LRMDA: variants seen among roughly 807,000 people sequenced by gnomAD.
LRMDA encodes leucine-rich melanocyte differentiation-associated protein.
Under a neutral mutation model 29.8 loss-of-function variants are expected in LRMDA, and 18 were observed. The ratio of observed to expected loss-of-function variants is 0.60; its 90% CI spans 0.42 to 0.90. The LOEUF (loss-of-function observed/expected upper bound fraction) is 0.90. Ranked by LOEUF, LRMDA falls within the 40% of genes least tolerant of loss-of-function variation. The pLI, the probability that LRMDA is intolerant of heterozygous loss-of-function variation, is 0.00. For synonymous variants in LRMDA, 125 were observed against 109.4 expected (o/e 1.14, Z -0.89); for missense variants, 273 against 273.9 (o/e 1.00, Z 0.02).
intron 2 of LRMDA, among the ~76,000 whole-genome samples, chr10:75,503,760 A>G (rs1015986800): frequency 6.6e-6 from 1 of 152,044 alleles, no homozygotes; most frequent in Non-Finnish European, 1.5e-5. Flanking sequence ...TAAAGTATAT[A>G]AGAAACTACA....
At chr10:75,600,836 A>C (rs138449401) in intron 2 of LRMDA, among the ~76,000 whole-genome samples, 33 of 152,356 alleles carry the variant, frequency 2.2e-4, no homozygotes, top group Middle Eastern at 3.4e-3. Flanking sequence ...GCTATGATCT[A>C]CTAATCCTTC....
At chr10:76,369,201 T>C (rs1299057366) in intron 6 of LRMDA, among the ~76,000 whole-genome samples, 2 of 152,156 alleles carry the variant, frequency 1.3e-5, no homozygotes, top group Non-Finnish European at 1.5e-5. Flanking sequence ...TATTTTTGTT[T>C]TATAGGTCCT....
At chr10:76,058,943 G>T (rs547675367) in intron 5 of LRMDA, among the ~76,000 whole-genome samples, 160 bp downstream of exon 5, 2 of 152,298 alleles carry the variant, frequency 1.3e-5, no homozygotes, top group African/African-American at 4.8e-5. Context: ...ATGAAATAGG[G>T]TTAGGTGTAA....
intron 2 of LRMDA, among the ~76,000 whole-genome samples, chr10:75,871,742 G>T (rs1245847874): frequency 6.6e-6 from 1 of 152,156 alleles, no homozygotes; most frequent in Non-Finnish European, 1.5e-5. Context: ...CGGACTGATT[G>T]TGTTTTAAAA....
chr10:76,011,871 T>A (rs1279555607), intron 2 of LRMDA, among the ~76,000 whole-genome samples: 8 of 152,110 alleles, frequency 5.3e-5, no homozygotes, highest in African/African-American at 1.9e-4. Flanking sequence ...ACTTCCCATG[T>A]CTCCAGATTG....
intron 5 of LRMDA, among the ~76,000 whole-genome samples, chr10:76,192,464 T>C (rs1239859178): frequency 2.6e-5 from 4 of 152,200 alleles, no homozygotes; most frequent in African/African-American, 9.7e-5. Context: ...CTTCTTGAGT[T>C]TGAGTAATTT....
At chr10:75,721,089 A>C (rs1842561289) in intron 2 of LRMDA, among the ~76,000 whole-genome samples, 1 of 152,270 alleles carries the variant, frequency 6.6e-6, no homozygotes, top group Non-Finnish European at 1.5e-5. Flanking sequence ...TTTGAAAGCC[A>C]GTGGTCTTTT....
intron 5 of LRMDA, among the ~76,000 whole-genome samples, chr10:76,144,825 G>A (rs1465940317): frequency 1.3e-5 from 2 of 152,078 alleles, no homozygotes; most frequent in African/African-American, 4.8e-5. Context: ...TATTGGCTGT[G>A]GGTTTGTCAT....
chr10:76,245,649 G>A (rs182748619), intron 5 of LRMDA, among the ~76,000 whole-genome samples: 2 of 152,300 alleles, frequency 1.3e-5, no homozygotes, highest in East Asian at 1.9e-4. Flanking sequence ...GGAGGTGTTA[G>A]GTAAGTTGGA....
intron 6 of LRMDA, among the ~76,000 whole-genome samples, chr10:76,339,638 C>A (rs1452217430): frequency 2.0e-5 from 3 of 151,540 alleles, no homozygotes; most frequent in South Asian, 2.1e-4. Context: ...AAAAGGTGAG[C>A]CTAGCAGATC....
At chr10:76,277,609 T>C (rs72817424) in intron 5 of LRMDA, among the ~76,000 whole-genome samples, 1 of 152,192 alleles carries the variant, frequency 6.6e-6, no homozygotes, top group Admixed American at 6.5e-5. Context: ...GTTTTGTTGT[T>C]AGTCTGAATT....
chr10:75,856,792 C>T (rs1325144541), intron 2 of LRMDA, among the ~76,000 whole-genome samples: 1 of 152,196 alleles, frequency 6.6e-6, no homozygotes, highest in Non-Finnish European at 1.5e-5. Context: ...TGCCCTCTCT[C>T]ACTACTCCTA....
intron 2 of LRMDA, among the ~76,000 whole-genome samples, chr10:75,494,481 T>C (rs545658023): frequency 6.6e-6 from 1 of 150,912 alleles, no homozygotes; most frequent in South Asian, 2.1e-4. Context: ...ATAACTCCAG[T>C]TACCAGCCGC....
At chr10:76,152,272 A>G (rs1850459912) in intron 5 of LRMDA, among the ~76,000 whole-genome samples, 1 of 152,224 alleles carries the variant, frequency 6.6e-6, no homozygotes, top group South Asian at 2.1e-4. Flanking sequence ...GTCATACAAC[A>G]TGTAGCCTTT....
chr10:76,058,152 C>A (rs1340834938), intron 4 of LRMDA, among the ~76,000 whole-genome samples: 5 of 152,182 alleles, frequency 3.3e-5, no homozygotes, highest in African/African-American at 1.2e-4. Flanking sequence ...GAACAAAGTT[C>A]TTAAGACCCC....
intron 5 of LRMDA, among the ~76,000 whole-genome samples, chr10:76,129,414 C>T (rs1156769103): frequency 6.6e-6 from 1 of 152,192 alleles, no homozygotes; most frequent in African/African-American, 2.4e-5. Flanking sequence ...CTATTTATAG[C>T]TCCCACTGCA....
intron 5 of LRMDA, chr10:76,242,448 G>T: frequency 6.6e-6 from 1 of 152,348 alleles, no homozygotes. Context: ...AAAGACTCTG[G>T]GTAGAATCCT....
At chr10:76,187,943 C>G (rs1375691200) in intron 5 of LRMDA, among the ~76,000 whole-genome samples, 1 of 152,104 alleles carries the variant, frequency 6.6e-6, no homozygotes, top group East Asian at 1.9e-4. Flanking sequence ...TCCCAGGCAC[C>G]TAGGCTGATT....
intron 5 of LRMDA, among the ~76,000 whole-genome samples, chr10:76,223,483 TC>T (rs910109426): frequency 6.6e-6 from 1 of 152,140 alleles, no homozygotes; most frequent in African/African-American, 2.4e-5. Flanking sequence ...AATCATGTGT[TC>T]CCCCAAAATT....
Sources: gnomAD v4.1 joint callset for allele counts (sites outside exome capture counted in the v4.1 genomes callset) on GRCh38, gnomAD v4.1.1 for gene constraint, MANE v1.5 for transcripts, NCBI Gene and HGNC (gene_info 2026-07-23, HGNC 2026-07-21) for gene names.